The following CDYL2 variants were observed in gnomAD, a reference collection of about 807,000 sequenced individuals.
The protein encoded by CDYL2 is chromodomain Y like 2, also known as chromodomain Y-like protein 2.
In CDYL2, 23 loss-of-function variants were observed where a neutral mutation model predicts 49.4. The ratio of observed to expected loss-of-function variants is 0.47; its 90% CI spans 0.34 to 0.66. CDYL2 has a LOEUF of 0.66. Ranked by LOEUF, CDYL2 falls within the 30% of genes least tolerant of loss-of-function variation. The pLI, the probability that CDYL2 is intolerant of heterozygous loss-of-function variation, is 0.01. For synonymous variants in CDYL2, 360 were observed against 268.8 expected (o/e 1.34, Z -3.32); for missense variants, 678 against 656.4 (o/e 1.03, Z -0.36).
At position 80,612,867 on chromosome 16, in the gene CDYL2, G is replaced by A. The variant is rs777436695; in HGVS notation, c.1008-31C>T. On this transcript the variant is annotated intron_variant, in intron 4 of 6. Transcript: ENST00000570137. This position sits in a 1 kb window ranked among gnomAD's most constrained non-coding sequence, Gnocchi z 5.0. The stretch of plus-strand genomic sequence containing the variant: ...AGAGAAAGAAGATCCTCTTGAACAG[G>A]TGACTATAGCATGCTAAGCCCCACT... The A allele has an allele frequency of 2.3e-5, 36 of 1,568,100 alleles. No homozygotes were observed. The highest frequency in any genetic ancestry group is 4.1e-5 in the African/African-American group (3 of 73,750).
At chr16:80,694,584 A>G (rs1484824285) in intron 1 of CDYL2, among the ~76,000 whole-genome samples, 1 of 152,228 alleles carries the variant, frequency 6.6e-6, no homozygotes, top group Non-Finnish European at 1.5e-5. Context: ...ACTCATGTTT[A>G]CTTTAATACA....
chr16:80,669,664 CTT>C (rs1909417028), intron 2 of CDYL2, among the ~76,000 whole-genome samples: 1 of 152,104 alleles, frequency 6.6e-6, no homozygotes, highest in Admixed American at 6.5e-5. Context: ...ACAGCTAACT[CTT>C]ATCCTCTGGC....
At chr16:80,782,198 A>C (rs1002331874) in intron 1 of CDYL2, among the ~76,000 whole-genome samples, 1 of 151,930 alleles carries the variant, frequency 6.6e-6, no homozygotes, top group African/African-American at 2.4e-5. Flanking sequence ...CAGAAATAAA[A>C]AGAATTATTT....
intron 1 of CDYL2, among the ~76,000 whole-genome samples, chr16:80,759,120 A>ATATATATATATATATATATATATGGTTTT (rs1567597491): frequency 8.1e-6 from 1 of 122,700 alleles, no homozygotes; most frequent in African/African-American, 3.5e-5. Flanking sequence ...ATATATATAT[A>ATATATATATATATATATATATATGGTTTT]TATATATATA....
intron 2 of CDYL2, among the ~76,000 whole-genome samples, chr16:80,664,380 T>A (rs1416502563): frequency 6.6e-6 from 1 of 152,138 alleles, no homozygotes; most frequent in Non-Finnish European, 1.5e-5. Flanking sequence ...TGTCTCTTCC[T>A]CCCCAAGCGC....
intron 1 of CDYL2, among the ~76,000 whole-genome samples, chr16:80,703,547 T>C (rs1904316725): frequency 6.6e-6 from 1 of 152,164 alleles, no homozygotes; most frequent in Non-Finnish European, 1.5e-5. Context: ...CCAGCCACTC[T>C]GCCCTTACAG....
At chr16:80,632,095 G>A (rs968110197) in intron 3 of CDYL2, among the ~76,000 whole-genome samples, 1 of 152,036 alleles carries the variant, frequency 6.6e-6, no homozygotes, top group South Asian at 2.1e-4. Context: ...GAAAATATAT[G>A]TTCACATAAA....
rs80139612 is a variant in CDYL2, at chr16:80,735,659, T to C, written c.25-50530A>G. ...CCAACTAGAGCTCTGGTGTCTATTC[T>C]AGAAAAGCTCCGGGAAGTTTTGTGC... On this transcript the variant is annotated intron_variant, in intron 1 of 6. Transcript: ENST00000570137. Among the ~76,000 whole-genome samples, 239 of 152,298 alleles carry C rather than the reference T, an allele frequency of 1.6e-3. 3 individuals are homozygous for C. In the East Asian group the frequency reaches 0.042, roughly 27 times the overall value.
chr16:80,599,638 A>G lies in CDYL2; in HGVS notation c.*4750T>C, dbSNP rs1376759010. The stretch of plus-strand genomic sequence containing the variant: ...TCAGATTGTCTACACAGTAAGACTC[A>G]TAGGTAAACTTTGTTAACATCTCTC... On this transcript the variant is annotated 3_prime_UTR_variant, in exon 7 of 7. Transcript: ENST00000570137. 1 of 152,212 alleles carries G rather than the reference A, an allele frequency of 6.6e-6. No individual in the cohort carries two copies. Among genetic ancestry groups the G allele is most frequent in the Non-Finnish European group, 1.5e-5 (1 of 68,044 alleles). The allele number at this position is 152,212 out of a possible 1,614,324, so 9.4% of individuals were successfully genotyped here.
At chr16:80,610,672 G>A (rs932570149) in intron 5 of CDYL2, among the ~76,000 whole-genome samples, 1 of 152,092 alleles carries the variant, frequency 6.6e-6, no homozygotes, top group African/African-American at 2.4e-5. Context: ...GTCACTTAAC[G>A]TCACAAAGCC....
intron 1 of CDYL2, among the ~76,000 whole-genome samples, chr16:80,766,292 A>G (rs1906722931): frequency 3.3e-5 from 5 of 152,184 alleles, no homozygotes; most frequent in African/African-American, 7.2e-5. Context: ...ACAAAAAAAA[A>G]GAGAAGGTTC....
At chr16:80,716,881 G>T (rs1904821222) in intron 1 of CDYL2, among the ~76,000 whole-genome samples, 1 of 151,640 alleles carries the variant, frequency 6.6e-6, no homozygotes, top group Non-Finnish European at 1.5e-5. Flanking sequence ...ATGGATGACT[G>T]GATGGATGGA....
intron 1 of CDYL2, among the ~76,000 whole-genome samples, chr16:80,750,995 G>A (rs1223645281): frequency 6.6e-6 from 1 of 150,922 alleles, no homozygotes; most frequent in Non-Finnish European, 1.5e-5. Flanking sequence ...ACTCCAGCCT[G>A]GGCGACAGAG....
At position 80,743,373 on chromosome 16, in the gene CDYL2, AC is replaced by A. The variant is rs573346343; in HGVS notation, c.25-58245del. On this transcript the variant is annotated intron_variant, in intron 1 of 6. Coordinates refer to ENST00000570137, the MANE Select transcript of CDYL2 (RefSeq NM_152342.4). The stretch of plus-strand genomic sequence containing the variant: ...AAATAGAGAGAATTCAAAAGAAGTC[AC>A]AAAGTGTGAAAGTCTTTATTTGCAG... Among the ~76,000 whole-genome samples, 248 of 152,360 alleles carry A rather than the reference AC, an allele frequency of 1.6e-3. 1 individual carries two copies. The highest frequency in any genetic ancestry group is 5.6e-3 in the African/African-American group (234 of 41,584).
chr16:80,689,698 C>T (rs1457037525), intron 1 of CDYL2, among the ~76,000 whole-genome samples: 1 of 152,232 alleles, frequency 6.6e-6, no homozygotes, highest in Non-Finnish European at 1.5e-5. Context: ...AATAACTCTT[C>T]AAGGATCACT....
intron 1 of CDYL2, among the ~76,000 whole-genome samples, chr16:80,748,932 T>C (rs1003372551): frequency 6.6e-6 from 1 of 152,226 alleles, no homozygotes; most frequent in Admixed American, 6.5e-5. Flanking sequence ...AAGGGGCTAA[T>C]TTTACATTCT....
Position 80,602,754 on chromosome 16 carries a change from G to A in CDYL2, c.*1634C>T, listed in dbSNP as rs556011500. ...AAAGGGGAAGAAGGGGAGGGCCAAG[G>A]GCCTCCAGGAATACGCAGGGGCTGT... On this transcript the variant is annotated 3_prime_UTR_variant, in exon 7 of 7. Coordinates refer to ENST00000570137, the MANE Select transcript of CDYL2 (RefSeq NM_152342.4). The A allele has an allele frequency of 4.6e-5, 7 of 152,344 alleles. No homozygotes were observed. The South Asian group carries it at 1.5e-3, about 32-fold the overall frequency. 9.4% of individuals were successfully genotyped at this position (152,344 alleles called of 1,614,324 possible).
intron 1 of CDYL2, among the ~76,000 whole-genome samples, chr16:80,778,197 CTTCT>C (rs1907152823): frequency 6.6e-6 from 1 of 151,938 alleles, no homozygotes; most frequent in African/African-American, 2.4e-5. Context: ...TCAATAGCCA[CTTCT>C]TTAATTCATG....
At chr16:80,761,948 G>C (rs1906547471) in intron 1 of CDYL2, among the ~76,000 whole-genome samples, 1 of 150,476 alleles carries the variant, frequency 6.6e-6, no homozygotes, top group South Asian at 2.1e-4. Flanking sequence ...CATTTTGGGA[G>C]GCCAAGGCAG....
Sources: gnomAD v4.1 joint callset for allele counts (sites outside exome capture counted in the v4.1 genomes callset) on GRCh38, gnomAD v4.1.1 for gene constraint, Gnocchi (gnomAD v3.1) non-coding constraint, MANE v1.5 for transcripts, NCBI Gene and HGNC (gene_info 2026-07-23, HGNC 2026-07-21) for gene names.